IGSF10: variants seen among roughly 807,000 people sequenced by gnomAD.
IGSF10 encodes calvaria mechanical force protein 608.
A neutral mutation model predicts 128.2 loss-of-function variants in IGSF10; 126 were observed. The ratio of observed to expected loss-of-function variants is 0.98; its 90% confidence interval spans 0.85 to 1.14. IGSF10 has a LOEUF of 1.14. Ranked by LOEUF, IGSF10 falls within the 50% of genes most tolerant of loss-of-function variation. The pLI is 0.00. For synonymous variants in IGSF10, 1,185 were observed against 1,146.2 expected, an observed-to-expected ratio of 1.03 and a Z score of -0.68; for missense variants, 3,295 against 3,149.8, an observed-to-expected ratio of 1.05 and a Z score of -1.10.
At chr3:151,467,900 GAA>G in the IGSF10 span, among the ~76,000 whole-genome samples, 1 of 149,700 alleles carries the variant, frequency 6.7e-6, no homozygotes, top group East Asian at 2.0e-4. Context: ...AAAGAAAAAA[GAA>G]AAAAGAAAAA....
chr3:151,489,830 G>A, the IGSF10 span, among the ~76,000 whole-genome samples: 10 of 152,050 alleles, frequency 6.6e-5, no homozygotes, highest in Non-Finnish European at 1.5e-4. Context: ...GGGGGGTTGC[G>A]GGCTAGGGGA....
chr3:151,493,942 G>A, the IGSF10 span, among the ~76,000 whole-genome samples: 2 of 151,864 alleles, frequency 1.3e-5, no homozygotes, highest in Non-Finnish European at 2.9e-5. Flanking sequence ...TAAATTTTAG[G>A]GGGTAATTTG....
Position 151,443,563 on chromosome 3 carries a change from C to G in IGSF10, c.5384G>C (p.Arg1795Thr). The change falls in exon 7 of 8, where the codon AGG becomes ACG. Residue 1795 changes from arginine to threonine, a missense_variant. Arg to Thr is a moderately conservative substitution (Grantham distance 71). Transcript: ENST00000282466. ...TVVSESSQGS[R>T]QAVVTVDGTL... ...TCCGTCAACCGTCACCACAGCCTGC[C>G]TACTTCCCTGGGATGATTCTGAGAC... The G allele has an allele frequency of 6.2e-7, 1 of 1,614,238 alleles. No individual in the cohort carries two copies.
the IGSF10 span, among the ~76,000 whole-genome samples, chr3:151,572,189 G>A: frequency 1.3e-5 from 2 of 152,130 alleles, no homozygotes; most frequent in East Asian, 3.9e-4. Context: ...CTCTTTTTTT[G>A]TTGTGCCTCT....
the IGSF10 span, among the ~76,000 whole-genome samples, chr3:151,536,286 T>G: frequency 6.6e-6 from 1 of 152,168 alleles, no homozygotes; most frequent in Admixed American, 6.5e-5. Flanking sequence ...AAGGTAGGAC[T>G]GGCAGCCTCT....
chr3:151,502,887 C>A, the IGSF10 span, among the ~76,000 whole-genome samples: 3 of 152,002 alleles, frequency 2.0e-5, no homozygotes, highest in Admixed American at 6.6e-5. Context: ...GCTTTTGTGG[C>A]CTTAGCAAAT....
At chr3:151,505,949 C>CTTT in the IGSF10 span, among the ~76,000 whole-genome samples, 1,180 of 12,396 alleles carry the variant, frequency 0.095, 28 homozygotes, top group African/African-American at 0.16. Flanking sequence ...CTTCTTCTTC[C>CTTT]TTTTTTTTTT....
chr3:151,436,756 A>T lies in IGSF10; in HGVS notation c.7805T>A (p.Ile2602Lys), dbSNP rs1365673182. ...IQNPQTSDSGIYKCTAKNPLG... is the reference protein window; with the variant it reads ...IQNPQTSDSGKYKCTAKNPLG... ...TGGGTTCTTTGCTGTGCATTTGTAT[A>T]TCCCAGAATCGGAGGTTTGGGGATT... The change falls in exon 8 of 8, where the codon ATA (isoleucine) becomes AAA (lysine). Residue 2602 changes from isoleucine to lysine, a missense_variant. Coordinates refer to ENST00000282466, the MANE Select transcript of IGSF10 (RefSeq NM_178822.5). 6.2e-7 allele frequency: 1 copy of T among 1,614,166 alleles called. No individual in the cohort carries two copies. Among genetic ancestry groups the T allele is most frequent in the Non-Finnish European group, 8.5e-7 (1 of 1,180,010 alleles).
the IGSF10 span, among the ~76,000 whole-genome samples, chr3:151,493,098 T>C: frequency 1.3e-5 from 2 of 152,066 alleles, no homozygotes; most frequent in African/African-American, 4.8e-5. Flanking sequence ...ATTTCACTCA[T>C]GTGTAGAATA....
downstream of IGSF10, chr3:151,434,138 T>A (rs1177103981): frequency 6.6e-6 from 1 of 152,314 alleles, no homozygotes; most frequent in Non-Finnish European, 1.5e-5. Context: ...TTATTTCATT[T>A]TCTTTTGCCA....
At chr3:151,512,723 T>C in the IGSF10 span, among the ~76,000 whole-genome samples, 1 of 151,794 alleles carries the variant, frequency 6.6e-6, no homozygotes, top group Non-Finnish European at 1.5e-5. Flanking sequence ...CTAGCAAGAC[T>C]AATAAAGAAA....
chr3:151,547,830 G>A, the IGSF10 span, among the ~76,000 whole-genome samples: 18,523 of 152,188 alleles, frequency 0.12, 1,423 homozygotes, highest in Middle Eastern at 0.19. Context: ...GCTTGCAAAT[G>A]GAATTCTAGG....
chr3:151,439,936 T>G (rs1320577469), intron 7 of IGSF10, among the ~76,000 whole-genome samples: 1 of 152,180 alleles, frequency 6.6e-6, no homozygotes, highest in Non-Finnish European at 1.5e-5. Flanking sequence ...GCTAAGCAGG[T>G]AGATAAAACG....
the IGSF10 span, among the ~76,000 whole-genome samples, chr3:151,570,108 C>A: frequency 1.3e-5 from 2 of 152,138 alleles, no homozygotes; most frequent in African/African-American, 4.8e-5. Context: ...TGTATATGTG[C>A]CACATTTTCT....
At chr3:151,439,044 G>C (rs987365735) in intron 7 of IGSF10, among the ~76,000 whole-genome samples, 1 of 152,100 alleles carries the variant, frequency 6.6e-6, no homozygotes, top group East Asian at 1.9e-4. Context: ...ATAATTTAGT[G>C]CAAGTAAGTA....
At chr3:151,476,352 GT>G in the IGSF10 span, among the ~76,000 whole-genome samples, 3 of 152,090 alleles carry the variant, frequency 2.0e-5, no homozygotes, top group Admixed American at 6.5e-5. Context: ...GAAACATGCT[GT>G]TTTAATGAGC....
At chr3:151,434,622 AAAGT>A (rs1719891086), downstream of IGSF10, 1 of 152,300 alleles carries the variant, frequency 6.6e-6, no homozygotes, top group South Asian at 2.1e-4. Flanking sequence ...TGTTTTCTTC[AAAGT>A]AATATATCTA....
At chr3:151,608,592 C>T in the IGSF10 span, among the ~76,000 whole-genome samples, 1 of 152,170 alleles carries the variant, frequency 6.6e-6, no homozygotes, top group Non-Finnish European at 1.5e-5. Flanking sequence ...ATCCCCTTTA[C>T]TTAATAGATT....
chr3:151,442,547 A>ATT (rs3975406), intron 7 of IGSF10, among the ~76,000 whole-genome samples: 1 of 125,544 alleles, frequency 8.0e-6, no homozygotes, highest in African/African-American at 3.2e-5. Context: ...TGCCCGGCTA[A>ATT]TTTTTTTTTT....
Sources: allele counts gnomAD v4.1 joint callset (sites outside exome capture counted in the v4.1 genomes callset), GRCh38; gene constraint gnomAD v4.1.1; transcripts MANE v1.5; gene names NCBI Gene and HGNC (gene_info 2026-07-23, HGNC 2026-07-21).